Variants in CFAP61 observed in about 807,000 individuals in gnomAD.
CFAP61 encodes the protein cilia and flagella associated protein 61.
A neutral mutation model predicts 135.6 loss-of-function variants in CFAP61; 107 were observed. The observed-to-expected ratio is 0.79, with a 90% CI of 0.67 to 0.93. The LOEUF (loss-of-function observed/expected upper bound fraction) is 0.93. Among genes scored for constraint, CFAP61 ranks in the 40% least tolerant of loss-of-function variants. The pLI is 0.00. For synonymous variants in CFAP61, 575 were observed against 578.5 expected, an observed-to-expected ratio of 0.99 and a Z score of 0.09; for missense variants, 1,507 against 1,556.2, an observed-to-expected ratio of 0.97 and a Z score of 0.53.
At chr20:20,259,137 G>T (rs911089780) in intron 20 of CFAP61, among the ~76,000 whole-genome samples, 6 of 150,562 alleles carry the variant, frequency 4.0e-5, no homozygotes, top group Non-Finnish European at 1.5e-5. Flanking sequence ...AGTTCAAAAA[G>T]AAAAAGTTTA....
At chr20:20,076,029 T>C (rs893675026) in intron 6 of CFAP61, among the ~76,000 whole-genome samples, 1 of 152,204 alleles carries the variant, frequency 6.6e-6, no homozygotes, top group African/African-American at 2.4e-5. Context: ...ATTGAAGGTC[T>C]CTACCATCAG....
intron 6 of CFAP61, among the ~76,000 whole-genome samples, 156 bp from the exon 7 acceptor site, chr20:20,090,688 C>CAAA (rs138798717): frequency 1.9e-4 from 20 of 102,842 alleles, no homozygotes; most frequent in South Asian, 3.5e-4. Flanking sequence ...GACTCCCTCT[C>CAAA]AAAAAAAAAA....
chr20:20,052,790 A>G (rs550504172), intron 1 of CFAP61, 199 bp downstream of exon 1: 2 of 1,451,104 alleles, frequency 1.4e-6, no homozygotes, highest in Admixed American at 2.3e-5. Flanking sequence ...GAGAGCGAGG[A>G]AACTACCATT....
intron 22 of CFAP61, among the ~76,000 whole-genome samples, chr20:20,279,587 CTG>C: frequency 6.6e-6 from 1 of 152,050 alleles, no homozygotes; most frequent in Non-Finnish European, 1.5e-5. Context: ...GTGGGTCTTG[CTG>C]TCTCAGGGAT....
chr20:20,207,838 G>A (rs1017281837), intron 17 of CFAP61, among the ~76,000 whole-genome samples: 1 of 152,004 alleles, frequency 6.6e-6, no homozygotes, highest in African/African-American at 2.4e-5. Context: ...AATATTCTGG[G>A]GTTTCAACTT....
At chr20:20,318,125 CTGCAAGTGGATCTTA>C (rs1311240209) in intron 25 of CFAP61, among the ~76,000 whole-genome samples, 2 of 152,180 alleles carry the variant, frequency 1.3e-5, no homozygotes, top group Admixed American at 1.3e-4. Context: ...CAGGACAGAT[CTGCAAGTGGATCTTA>C]TGCAGGGTGC....
At position 20,196,058 on chromosome 20, in the gene CFAP61, G is replaced by A. The variant is rs530360496; in HGVS notation, c.1591-512G>A. The stretch of plus-strand genomic sequence containing the variant: ...ATCGCGCCAGTGTATTCCAGCCTGG[G>A]TGACAGAGTGATACTGTCTCAAACT... On this transcript the variant is annotated intron_variant, in intron 15 of 26. Coordinates refer to ENST00000245957, the MANE Select transcript of CFAP61 (RefSeq NM_015585.4). 1.6e-4 allele frequency among the ~76,000 whole-genome samples: 25 copies of A among 152,338 alleles called. No individual in the cohort carries two copies. In the Middle Eastern group the frequency reaches 0.014, roughly 83 times the overall value.
chr20:20,190,060 C>T (rs1353198449), intron 14 of CFAP61, among the ~76,000 whole-genome samples: 1 of 152,240 alleles, frequency 6.6e-6, no homozygotes, highest in South Asian at 2.1e-4. Context: ...GCTGGGATTA[C>T]AGGCGTGAGC....
At chr20:20,226,865 G>A (rs1461075111) in intron 17 of CFAP61, among the ~76,000 whole-genome samples, 2 of 152,222 alleles carry the variant, frequency 1.3e-5, no homozygotes, top group South Asian at 2.1e-4. Context: ...ATGGGAGTGA[G>A]TCCAATCTCT....
intron 20 of CFAP61, among the ~76,000 whole-genome samples, chr20:20,254,810 A>G (rs2051390324): frequency 6.6e-6 from 1 of 152,240 alleles, no homozygotes. Flanking sequence ...GACCTTTTAA[A>G]TGGCACGCCT....
intron 17 of CFAP61, among the ~76,000 whole-genome samples, chr20:20,206,696 A>G (rs1300487376): frequency 6.6e-6 from 1 of 152,002 alleles, no homozygotes; most frequent in Non-Finnish European, 1.5e-5. Flanking sequence ...CTATTTGGCT[A>G]TGATGGAAAT....
chr20:20,246,000 C>T, intron 18 of CFAP61, 117 bp from the exon 19 acceptor site: 1 of 666,952 alleles, frequency 1.5e-6, no homozygotes, highest in South Asian at 1.9e-5. Flanking sequence ...GAATTAGTAG[C>T]TCCAAAAGCA....
intron 25 of CFAP61, chr20:20,323,116 G>A (rs981714989): frequency 3.2e-5 from 32 of 985,266 alleles, no homozygotes; most frequent in South Asian, 4.7e-5. Flanking sequence ...TCTGCCACTC[G>A]ACTTCAACTT....
chr20:20,259,413 A>G (rs1046655316), intron 20 of CFAP61, among the ~76,000 whole-genome samples: 5 of 148,292 alleles, frequency 3.4e-5, no homozygotes, highest in South Asian at 4.3e-4. Flanking sequence ...ATGCCGCCAA[A>G]CCCAGCTAAT....
intron 13 of CFAP61, among the ~76,000 whole-genome samples, chr20:20,176,033 G>C (rs538578399): frequency 6.6e-6 from 1 of 152,176 alleles, no homozygotes; most frequent in African/African-American, 2.4e-5. Context: ...CCATTAAAAA[G>C]TGGGCAAAGG....
At chr20:20,245,541 C>T (rs1258433532) in intron 18 of CFAP61, among the ~76,000 whole-genome samples, 1 of 152,152 alleles carries the variant, frequency 6.6e-6, no homozygotes, top group African/African-American at 2.4e-5. Flanking sequence ...CAGGTCCCTC[C>T]CACAACACGT....
At chr20:20,161,179 AGAG>A (rs1356486832) in intron 10 of CFAP61, among the ~76,000 whole-genome samples, 1 of 152,008 alleles carries the variant, frequency 6.6e-6, no homozygotes, top group African/African-American at 2.4e-5. Flanking sequence ...AGGGTGTAGA[AGAG>A]GACAGCAGTT....
chr20:20,343,127 G>T (rs2058506663), intron 26 of CFAP61, among the ~76,000 whole-genome samples: 1 of 152,190 alleles, frequency 6.6e-6, no homozygotes, highest in Non-Finnish European at 1.5e-5. Flanking sequence ...AAAATGCTGG[G>T]ATTACAGGCG....
chr20:20,358,681 TCA>T (rs2059365531), intron 26 of CFAP61, among the ~76,000 whole-genome samples: 3 of 152,214 alleles, frequency 2.0e-5, no homozygotes. Flanking sequence ...CCTGCAACCC[TCA>T]CTGACTGCTC....
Sources: allele counts gnomAD v4.1 joint callset (sites outside exome capture counted in the v4.1 genomes callset), GRCh38; gene constraint gnomAD v4.1.1; transcripts MANE v1.5; gene names NCBI Gene and HGNC (gene_info 2026-07-23, HGNC 2026-07-21).